Variants in LRMDA observed in about 807,000 individuals in gnomAD.
LRMDA encodes leucine rich melanocyte differentiation associated, also known as leucine-rich melanocyte differentiation-associated protein.
Under a neutral mutation model 29.8 loss-of-function variants are expected in LRMDA, and 18 were observed. The observed-to-expected ratio is 0.60, with a 90% CI of 0.42 to 0.90. LRMDA has a LOEUF of 0.90. LRMDA is among the 40% of genes least tolerant of loss of function. The probability of loss-of-function intolerance (pLI) is 0.00; values close to 1 mark genes in which losing one functional copy is unlikely to be tolerated. For synonymous variants in LRMDA, 125 were observed against 109.4 expected (o/e 1.14, Z -0.89); for missense variants, 273 against 273.9 (o/e 1.00, Z 0.02).
chr10:75,636,703 G>T (rs1841393929), intron 2 of LRMDA, among the ~76,000 whole-genome samples: 1 of 152,170 alleles, frequency 6.6e-6, no homozygotes, highest in Admixed American at 6.5e-5. Context: ...CAGCCCTGCT[G>T]TATTTCTGGG....
chr10:76,366,730 T>C (rs1841395839), intron 6 of LRMDA, among the ~76,000 whole-genome samples: 1 of 152,226 alleles, frequency 6.6e-6, no homozygotes, highest in African/African-American at 2.4e-5. Flanking sequence ...TTTACCGATT[T>C]GGATGCCCTT....
chr10:76,290,411 C>CTTTTTTTTTTTTTTTTTT (rs11321369), intron 5 of LRMDA, among the ~76,000 whole-genome samples: 1 of 76,732 alleles, frequency 1.3e-5, no homozygotes, highest in Non-Finnish European at 2.3e-5. Flanking sequence ...TTTATTTTCT[C>CTTTTTTTTTTTTTTTTTT]TTTTTTTTTT....
intron 2 of LRMDA, among the ~76,000 whole-genome samples, chr10:75,969,804 T>G (rs890127320): frequency 6.6e-6 from 1 of 152,228 alleles, no homozygotes; most frequent in Non-Finnish European, 1.5e-5. Flanking sequence ...CTCTGAGTCC[T>G]CAGACCCAAT....
intron 2 of LRMDA, among the ~76,000 whole-genome samples, chr10:75,582,438 C>T (rs1840605970): frequency 6.6e-6 from 1 of 152,192 alleles, no homozygotes; most frequent in East Asian, 1.9e-4. Flanking sequence ...GAAGCAGTGG[C>T]CCAAGCTGTC....
At chr10:75,578,790 C>T (rs6480785) in intron 2 of LRMDA, among the ~76,000 whole-genome samples, 14,914 of 148,364 alleles carry the variant, frequency 0.1, 2,332 homozygotes, top group African/African-American at 0.34. Context: ...TGAATGACTA[C>T]TGGGCAAATG....
chr10:76,472,462 A>G (rs139857184), intron 6 of LRMDA, among the ~76,000 whole-genome samples: 6 of 151,884 alleles, frequency 4.0e-5, no homozygotes, highest in East Asian at 3.9e-4. Flanking sequence ...CTGAGAAAAG[A>G]GTTATCTATT....
At chr10:75,949,989 C>T (rs1298727415) in intron 2 of LRMDA, among the ~76,000 whole-genome samples, 1 of 152,158 alleles carries the variant, frequency 6.6e-6, no homozygotes. Flanking sequence ...TAGGTCCTTC[C>T]AGTTTTGCAG....
intron 2 of LRMDA, among the ~76,000 whole-genome samples, chr10:75,635,043 C>T (rs911355903): frequency 6.6e-6 from 1 of 152,190 alleles, no homozygotes; most frequent in Admixed American, 6.5e-5. Context: ...AATTCCTTGA[C>T]ACTTTTTTAA....
intron 2 of LRMDA, among the ~76,000 whole-genome samples, chr10:75,905,607 C>G (rs182275328): frequency 3.1e-4 from 47 of 152,068 alleles, no homozygotes; most frequent in African/African-American, 1.1e-3. Context: ...TCAGCTGCCT[C>G]CCACCCCCAG....
intron 5 of LRMDA, among the ~76,000 whole-genome samples, chr10:76,089,118 T>G (rs1002517427): frequency 2.0e-5 from 3 of 152,104 alleles, no homozygotes; most frequent in Admixed American, 6.5e-5. Context: ...ATGAATAGAG[T>G]GCTATGATAC....
chr10:76,174,844 G>A (rs1335512392), intron 5 of LRMDA, among the ~76,000 whole-genome samples: 1 of 152,140 alleles, frequency 6.6e-6, no homozygotes, highest in Admixed American at 6.5e-5. Context: ...TTAAGGCCGG[G>A]TGCGGTGGCT....
intron 2 of LRMDA, among the ~76,000 whole-genome samples, chr10:75,835,592 G>T (rs989640533): frequency 6.6e-6 from 1 of 152,182 alleles, no homozygotes; most frequent in African/African-American, 2.4e-5. Context: ...TAGACAGCAC[G>T]TAGTAGTGGA....
At chr10:75,546,493 C>G (rs1409765788) in intron 2 of LRMDA, among the ~76,000 whole-genome samples, 4 of 152,146 alleles carry the variant, frequency 2.6e-5, no homozygotes, top group Non-Finnish European at 4.4e-5. Context: ...ATCAGAATAT[C>G]AACTGGTTAT....
chr10:76,115,919 G>A lies in LRMDA; in HGVS notation c.516+57136G>A, dbSNP rs530453725. 8.5e-5 allele frequency among the ~76,000 whole-genome samples: 13 copies of A among 152,248 alleles called. No individual in the cohort carries two copies. In the South Asian group the frequency reaches 1.0e-3, roughly 12 times the overall value. On this transcript the variant is annotated intron_variant, in intron 5 of 6. Coordinates refer to ENST00000611255, the MANE Select transcript of LRMDA (RefSeq NM_001305581.2). ...GATCCAAGCAGGCACAGAGATCATC[G>A]TGGGAATGGAAACGAGGAAGAATCA... is the stretch of plus-strand genomic sequence containing the variant.
intron 5 of LRMDA, among the ~76,000 whole-genome samples, chr10:76,271,277 A>C (rs1156666827): frequency 2.6e-5 from 4 of 151,986 alleles, no homozygotes; most frequent in Admixed American, 2.6e-4. Flanking sequence ...GTGTGGTGGC[A>C]TGCACCTGTA....
intron 5 of LRMDA, among the ~76,000 whole-genome samples, chr10:76,237,938 G>C (rs187262351): frequency 1.4e-4 from 22 of 151,918 alleles, no homozygotes; most frequent in Admixed American, 4.6e-4. Context: ...TTACAAGCAC[G>C]TGCCACCACG....
At chr10:75,824,387 G>A (rs1287566409) in intron 2 of LRMDA, among the ~76,000 whole-genome samples, 2 of 152,192 alleles carry the variant, frequency 1.3e-5, no homozygotes, top group Non-Finnish European at 2.9e-5. Context: ...TTTATGTATT[G>A]CACATGCTGT....
At chr10:75,680,238 A>AAACAGTTACTGTGGCCAGGAGT (rs1462061861) in intron 2 of LRMDA, among the ~76,000 whole-genome samples, 2 of 152,238 alleles carry the variant, frequency 1.3e-5, no homozygotes, top group Non-Finnish European at 2.9e-5. Context: ...CGTATCCTCA[A>AAACAGTTACTGTGGCCAGGAGT]AACAGTTACT....
At chr10:75,661,369 C>A (rs547371656) in intron 2 of LRMDA, among the ~76,000 whole-genome samples, 1 of 152,192 alleles carries the variant, frequency 6.6e-6, no homozygotes, top group African/African-American at 2.4e-5. Flanking sequence ...GTTCTTCTCA[C>A]GATTTGCCAT....
Sources: gnomAD v4.1 joint callset for allele counts (sites outside exome capture counted in the v4.1 genomes callset) on GRCh38, gnomAD v4.1.1 for gene constraint, MANE v1.5 for transcripts, NCBI Gene and HGNC (gene_info 2026-07-23, HGNC 2026-07-21) for gene names.